The following TBC1D8B variants were observed in gnomAD, a reference collection of about 807,000 sequenced individuals.
TBC1D8B encodes TBC1 domain family member 8B, also known as RP11-321G1.1.
In TBC1D8B, 75 loss-of-function variants were observed where a neutral mutation model predicts 82.9. The ratio of observed to expected loss-of-function variants is 0.90; its 90% CI spans 0.75 to 1.10. TBC1D8B has a LOEUF of 1.10. Among genes scored for constraint, TBC1D8B ranks in the 50% least tolerant of loss-of-function variants. The probability of loss-of-function intolerance (pLI) is 0.00; values close to 1 mark genes in which losing one functional copy is unlikely to be tolerated. For missense variants in TBC1D8B, 794 were observed against 796.9 expected, an observed-to-expected ratio of 1.00 and a Z score of 0.04; for synonymous variants, 276 against 276.8, an observed-to-expected ratio of 1.00 and a Z score of 0.03.
intron 5 of TBC1D8B, among the ~76,000 whole-genome samples, chrX:106,823,947 C>A (rs1931767779): frequency 9.0e-6 from 1 of 111,596 alleles, no homozygotes; most frequent in Non-Finnish European, 1.9e-5. Context: ...CAAGTCATAT[C>A]TCTCAGGACC....
At chrX:106,849,976 A>G (rs770582326) in intron 11 of TBC1D8B, 49 bp from the exon 12 acceptor site, 13 of 1,138,736 alleles carry the variant, frequency 1.1e-5, no homozygotes, top group Non-Finnish European at 1.3e-5. Flanking sequence ...TATGGAAACA[A>G]GTCCTTTTGA....
Position 106,824,578 on chromosome X carries a change from G to A in TBC1D8B, c.827+1112G>A, listed in dbSNP as rs773866063. On this transcript the variant is annotated intron_variant, in intron 5 of 20. Transcript: ENST00000357242. ...TGTTTGTATTATATTATAGGTGGGC[G>A]TTTGTTTTTGTATTTCATTTCTTTA... 1.4e-3 allele frequency among the ~76,000 whole-genome samples: 157 copies of A among 111,336 alleles called. 1 individual carries two copies. Among genetic ancestry groups the A allele is most frequent in the African/African-American group, 4.8e-3 (147 of 30,800 alleles).
In TBC1D8B at chrX:106,840,053, A is replaced by G; in HGVS notation, c.1359A>G (p.Lys453=). ...TGATTTTTCTGTCATTACAGTTGAA[A>G]GAAAAAATGAAGGAACAGTCATGGA... ...NLETLNSKML[K]EKMKEQSWKI... The change falls in exon 9 of 21, where the codon AAA becomes AAG. Residue 453 remains lysine (K), a synonymous_variant. Coordinates refer to ENST00000357242, the MANE Select transcript of TBC1D8B (RefSeq NM_017752.3). 1.7e-6 allele frequency: 2 copies of G among 1,191,987 alleles called. No homozygotes were observed. Among genetic ancestry groups the G allele is most frequent in the Non-Finnish European group, 2.3e-6 (2 of 888,013 alleles).
chrX:106,858,516 C>G (rs905854094), intron 14 of TBC1D8B, among the ~76,000 whole-genome samples: 7 of 112,362 alleles, frequency 6.2e-5, no homozygotes, highest in African/African-American at 2.3e-4. Flanking sequence ...TTGTGATCCA[C>G]CCGCCTCAGC....
rs1931832724 is a variant in TBC1D8B at position 106,826,039 on chromosome X, A to T, written c.837A>T (p.Glu279Asp). The change falls in exon 6 of 21, where the codon GAA becomes GAT. Residue 279 changes from glutamate (E) to aspartate (D), a missense_variant. Coordinates refer to ENST00000357242, the MANE Select transcript of TBC1D8B (RefSeq NM_017752.3). ...NPLQITKRGL[E>D]NRAHSEQFNA... is the part of the protein sequence containing the mutation. Reference sequence around the variant, plus strand: ...TTTTTCTTTCCTACAGAGGTCTGGAAAATAGAGCCCACAGTGAGCAATTTA... The same window carrying T: ...TTTTTCTTTCCTACAGAGGTCTGGATAATAGAGCCCACAGTGAGCAATTTA... The T allele has an allele frequency of 8.3e-7, 1 of 1,208,147 alleles. No homozygotes were observed. Among genetic ancestry groups the T allele is most frequent in the African/African-American group, 1.8e-5 (1 of 57,136 alleles).
chrX:106,850,057 C>G lies in TBC1D8B; in HGVS notation c.1870C>G (p.Leu624Val), dbSNP rs145408816. The G allele has an allele frequency of 3.3e-6, 4 of 1,206,182 alleles. No individual in the cohort carries two copies. The African/African-American group carries it at 7.0e-5, about 21-fold the overall frequency. The change falls in exon 12 of 21, where the codon CTT becomes GTT. Residue 624 changes from leucine (L) to valine (V), a missense_variant. Transcript: ENST00000357242. ...ALVDQAVFEE[L>V]IRDHLPQLTE... Reference sequence around the variant, plus strand: ...GGTGGATCAGGCAGTCTTTGAAGAACTTATCAGGGATCACCTTCCTCAGCT... The same window carrying G: ...GGTGGATCAGGCAGTCTTTGAAGAAGTTATCAGGGATCACCTTCCTCAGCT...
intron 12 of TBC1D8B, 70 bp from the exon 13 acceptor site, chrX:106,853,451 T>G (rs1932632904): frequency 7.5e-6 from 8 of 1,068,056 alleles, no homozygotes; most frequent in Non-Finnish European, 1.0e-5. Context: ...TAGGGAGAAA[T>G]TATGTGTCAT....
chrX:106,810,011 C>G (rs1446506531), intron 1 of TBC1D8B, among the ~76,000 whole-genome samples: 2 of 111,539 alleles, frequency 1.8e-5, no homozygotes, highest in Non-Finnish European at 3.8e-5. Context: ...ATAATAATAG[C>G]AGCCTTGTTC....
chrX:106,862,307 T>C (rs945835416), intron 14 of TBC1D8B, among the ~76,000 whole-genome samples: 15 of 111,707 alleles, frequency 1.3e-4, no homozygotes, highest in African/African-American at 4.2e-4. Flanking sequence ...TGGGGAAATG[T>C]TCATTTATTT....
intron 5 of TBC1D8B, 148 bp from the exon 6 acceptor site, chrX:106,825,882 A>G (rs1931825930): frequency 4.9e-6 from 2 of 405,368 alleles, no homozygotes; most frequent in Non-Finnish European, 8.0e-6. Context: ...ATTTTTTTCT[A>G]TTTCAGAATT....
intron 10 of TBC1D8B, among the ~76,000 whole-genome samples, chrX:106,843,245 T>C (rs1329408270): frequency 8.9e-6 from 1 of 111,891 alleles, no homozygotes; most frequent in Admixed American, 9.5e-5. Context: ...ACTGTCTGTT[T>C]AACATTTTGG....
At chrX:106,863,695 C>T (rs1334844183) in intron 14 of TBC1D8B, among the ~76,000 whole-genome samples, 1 of 112,224 alleles carries the variant, frequency 8.9e-6, no homozygotes, top group Non-Finnish European at 1.9e-5. Context: ...GACCACTGGA[C>T]TGGAAGCTCT....
At chrX:106,819,291 T>C (rs1458958953) in intron 2 of TBC1D8B, among the ~76,000 whole-genome samples, 1 of 111,186 alleles carries the variant, frequency 9.0e-6, no homozygotes, top group Non-Finnish European at 1.9e-5. Context: ...ATGTTACATA[T>C]TCATTCATGC....
At chrX:106,833,494 CTTTAAG>C (rs1932092981) in intron 7 of TBC1D8B, among the ~76,000 whole-genome samples, 1 of 111,818 alleles carries the variant, frequency 8.9e-6, no homozygotes, top group Non-Finnish European at 1.9e-5. Flanking sequence ...TGTTCAAAAA[CTTTAAG>C]TTTAGTTCCT....
At chrX:106,810,392 G>A (rs781711028) in intron 1 of TBC1D8B, among the ~76,000 whole-genome samples, 3 of 111,881 alleles carry the variant, frequency 2.7e-5, no homozygotes, top group Admixed American at 9.5e-5. Context: ...ATTCATTTAC[G>A]TGGAGTTGAA....
intron 16 of TBC1D8B, among the ~76,000 whole-genome samples, 167 bp downstream of exon 16, chrX:106,866,200 A>G: frequency 9.0e-6 from 1 of 111,500 alleles, no homozygotes; most frequent in African/African-American, 3.3e-5. Context: ...GTATTTTGAT[A>G]TTATTTTCCC....
At chrX:106,847,527 G>T (rs1932483989) in intron 10 of TBC1D8B, among the ~76,000 whole-genome samples, 1 of 111,651 alleles carries the variant, frequency 9.0e-6, no homozygotes, top group South Asian at 3.7e-4. Context: ...AAGGGATGTG[G>T]CAATGTATAT....
At chrX:106,833,929 T>G (rs753953884) in intron 7 of TBC1D8B, among the ~76,000 whole-genome samples, 6 of 110,002 alleles carry the variant, frequency 5.5e-5, no homozygotes, top group Non-Finnish European at 9.4e-5. Flanking sequence ...AACTTAATAT[T>G]AAGTTGTCAA....
At chrX:106,839,171 G>C (rs1932243450) in intron 7 of TBC1D8B, 137 bp from the exon 8 acceptor site, 1 of 629,316 alleles carries the variant, frequency 1.6e-6, no homozygotes, top group Admixed American at 4.5e-5. Context: ...ATTTTGATAG[G>C]TATGTCTCTG....
Sources: allele counts gnomAD v4.1 joint callset (sites outside exome capture counted in the v4.1 genomes callset), GRCh38; gene constraint gnomAD v4.1.1; transcripts MANE v1.5; gene names NCBI Gene and HGNC (gene_info 2026-07-23, HGNC 2026-07-21).